Variants in ROR2 observed in about 807,000 individuals in gnomAD.
ROR2 encodes the protein ROR family WNT receptor 2.
ROR2 carries 33 observed loss-of-function variants against 74.9 expected under a neutral mutation model. The observed-to-expected ratio is 0.44, with a 90% CI of 0.33 to 0.59. The LOEUF (loss-of-function observed/expected upper bound fraction) is 0.59. Among genes scored for constraint, ROR2 ranks in the 20% least tolerant of loss-of-function variants. The probability of loss-of-function intolerance (pLI) is 0.02; values close to 1 mark genes in which losing one functional copy is unlikely to be tolerated. For synonymous variants in ROR2, 586 were observed against 558.7 expected (o/e 1.05, Z -0.69); for missense variants, 1,216 against 1,313.8 (o/e 0.93, Z 1.15).
chr9:91,725,710 G>A (rs1345483798), intron 8 of ROR2, among the ~76,000 whole-genome samples: 2 of 152,130 alleles, frequency 1.3e-5, no homozygotes, highest in African/African-American at 4.8e-5. Flanking sequence ...TACCCCACAG[G>A]TGATAGGAGC....
intron 4 of ROR2, among the ~76,000 whole-genome samples, chr9:91,740,523 G>A (rs1825194055): frequency 6.7e-6 from 1 of 150,080 alleles, no homozygotes; most frequent in Admixed American, 6.6e-5. Flanking sequence ...CTGCACTCCA[G>A]CCTGGGTGAC....
At chr9:91,939,176 G>C (rs1020030310) in intron 1 of ROR2, among the ~76,000 whole-genome samples, 1 of 152,050 alleles carries the variant, frequency 6.6e-6, no homozygotes, top group African/African-American at 2.4e-5. Context: ...CCTGAACCCG[G>C]AAGGCAGAGG....
chr9:91,724,683 T>C lies in ROR2; in HGVS notation c.1811A>G (p.Glu604Gly), dbSNP rs1164229914. 3 of 1,614,040 alleles carry C rather than the reference T, an allele frequency of 1.9e-6. No homozygotes were observed. In the African/African-American group the frequency reaches 4.0e-5, roughly 22 times the overall value. Residue 604 changes from glutamate to glycine, a missense_variant, in exon 9 of 9, where the codon GAG becomes GGG. Physicochemically the swap from Glu to Gly is moderately conservative, Grantham distance 98. Transcript: ENST00000375708. ...AACCACGTGGTGGCTGGATAGGTAC[T>C]CCATCCCCGCCGCGATCTGTGCCAC... ...HLVAQIAAGMEYLSSHHVVHK... is the reference protein window; with the variant it reads ...HLVAQIAAGMGYLSSHHVVHK...
chr9:91,832,049 G>A (rs897052811), intron 1 of ROR2, among the ~76,000 whole-genome samples: 14 of 152,098 alleles, frequency 9.2e-5, no homozygotes, highest in African/African-American at 3.4e-4. Flanking sequence ...CCACTGGTGG[G>A]CTTGACCATA....
At chr9:91,928,565 A>T (rs1188325583) in intron 1 of ROR2, among the ~76,000 whole-genome samples, 1 of 152,198 alleles carries the variant, frequency 6.6e-6, no homozygotes, top group African/African-American at 2.4e-5. Flanking sequence ...AGTCTTGGAA[A>T]GCCAAACTGC....
chr9:91,831,931 C>A (rs1045730896), intron 1 of ROR2, among the ~76,000 whole-genome samples: 1 of 152,186 alleles, frequency 6.6e-6, no homozygotes, highest in Admixed American at 6.5e-5. Flanking sequence ...GCAAGCCAAT[C>A]ATGTCCCTGA....
rs141080100 is a variant in ROR2 at position 91,868,201 on chromosome 9, T to C, written c.97+81666A>G. On this transcript the variant is annotated intron_variant, in intron 1 of 8. Transcript: ENST00000375708. ...TATAAAAAAGAGAAAACTGAAAATT[T>C]TAGAAGGAAAACATATAATAACTAG... 2.6e-4 allele frequency among the ~76,000 whole-genome samples: 39 copies of C among 151,838 alleles called. No individual in the cohort carries two copies. In the East Asian group the frequency reaches 3.1e-3, roughly 12 times the overall value.
chr9:91,810,555 C>T (rs1267069401), intron 1 of ROR2, among the ~76,000 whole-genome samples: 2 of 152,224 alleles, frequency 1.3e-5, no homozygotes, highest in Non-Finnish European at 2.9e-5. Context: ...AAGCAGGGCC[C>T]GGCCCAGGCC....
chr9:91,803,846 T>C (rs1366690791), intron 1 of ROR2, among the ~76,000 whole-genome samples: 1 of 152,238 alleles, frequency 6.6e-6, no homozygotes, highest in Non-Finnish European at 1.5e-5. Context: ...CAAGAATTGC[T>C]TTGACTGTGC....
intron 1 of ROR2, among the ~76,000 whole-genome samples, chr9:91,867,044 G>A (rs1048478895): frequency 7.9e-5 from 12 of 152,120 alleles, no homozygotes; most frequent in Non-Finnish European, 1.5e-4. Context: ...ACATACAGTC[G>A]GCATATTCTG....
At chr9:91,913,626 A>AC (rs1831048085) in intron 1 of ROR2, among the ~76,000 whole-genome samples, 1 of 152,188 alleles carries the variant, frequency 6.6e-6, no homozygotes, top group Non-Finnish European at 1.5e-5. Context: ...GGAAGGGACT[A>AC]CTTCAACCTC....
intron 1 of ROR2, among the ~76,000 whole-genome samples, chr9:91,836,828 A>T (rs1478265344): frequency 6.6e-6 from 1 of 152,248 alleles, no homozygotes; most frequent in East Asian, 1.9e-4. Context: ...CCGCCTGGGC[A>T]GTGGCCTCAG....
Position 91,892,052 on chromosome 9 carries a change from G to GAAA in ROR2, c.97+57812_97+57814dup, listed in dbSNP as rs74312809. ...AACAGAACAAGAATCTGTCTAAGAA[G>GAAA]AAAAAAAAAAAAAAAAAAAGCCAGC... On this transcript the variant is annotated intron_variant, in intron 1 of 8. Transcript: ENST00000375708. Among the ~76,000 whole-genome samples the GAAA allele has an allele frequency of 1.7e-3, 119 of 71,006 alleles. 1 individual carries two copies. Among genetic ancestry groups the GAAA allele is most frequent in the African/African-American group, 2.4e-3 (63 of 26,712 alleles). 46.6% of individuals were successfully genotyped at this position (71,006 alleles called of 152,430 possible).
At position 91,723,841 on chromosome 9, in the gene ROR2, C is replaced by T. The variant is rs1836886677; in HGVS notation, c.2653G>A (p.Asp885Asn). 6.2e-7 allele frequency: 1 copy of T among 1,614,066 alleles called. No individual in the cohort carries two copies. The highest frequency in any genetic ancestry group is 8.5e-7 in the Non-Finnish European group (1 of 1,180,026). ...CCCTCTGAGAGCAGGGCTGCCCTGT[C>T]TGCCATGGATGTGTTGGAGGGGGCC... ...TTAPSNTSMA[D>N]RAALLSEGAD... Residue 885 changes from aspartate to asparagine, a missense_variant, in exon 9 of 9, where the codon GAC becomes AAC. Transcript: ENST00000375708.
At chr9:91,898,399 C>G (rs753557524) in intron 1 of ROR2, among the ~76,000 whole-genome samples, 1 of 152,114 alleles carries the variant, frequency 6.6e-6, no homozygotes, top group Admixed American at 6.5e-5. Flanking sequence ...GTGGTGTCCC[C>G]GTTTCAGAGA....
intron 1 of ROR2, among the ~76,000 whole-genome samples, chr9:91,805,779 G>A (rs1041920948): frequency 6.6e-6 from 1 of 152,140 alleles, no homozygotes; most frequent in African/African-American, 2.4e-5. Flanking sequence ...GAAGAAAGAT[G>A]GGAAGATGAA....
Position 91,905,625 on chromosome 9 carries a change from C to G in ROR2, c.97+44242G>C, listed in dbSNP as rs72746251. 3.4e-3 allele frequency among the ~76,000 whole-genome samples: 518 copies of G among 151,856 alleles called. 3 individuals carry two copies. Among genetic ancestry groups the G allele is most frequent in the Non-Finnish European group, 6.3e-3 (429 of 67,942 alleles). On this transcript the variant is annotated intron_variant, in intron 1 of 8. Coordinates refer to ENST00000375708, the MANE Select transcript of ROR2 (RefSeq NM_004560.4). This position sits in a 1 kb window ranked among gnomAD's most constrained non-coding sequence, Gnocchi z 5.3. ...ACACACAACACATATACAGATGCCC[C>G]CAACACACATAAACACACATAACAC...
intron 1 of ROR2, among the ~76,000 whole-genome samples, chr9:91,836,663 G>A (rs1024782672): frequency 5.9e-5 from 9 of 152,216 alleles, no homozygotes; most frequent in African/African-American, 1.4e-4. Flanking sequence ...CCCCACCCCC[G>A]GTCTGGGGGC....
chr9:91,936,922 T>C (rs1030490987), intron 1 of ROR2, among the ~76,000 whole-genome samples: 5 of 145,694 alleles, frequency 3.4e-5, no homozygotes, highest in African/African-American at 7.7e-5. Flanking sequence ...CCCAGCTACT[T>C]GGGAGGCTGA....
Sources: gnomAD v4.1 joint callset for allele counts (sites outside exome capture counted in the v4.1 genomes callset) on GRCh38, gnomAD v4.1.1 for gene constraint, Gnocchi (gnomAD v3.1) non-coding constraint, MANE v1.5 for transcripts, NCBI Gene and HGNC (gene_info 2026-07-23, HGNC 2026-07-21) for gene names.